Variants in DMTF1 observed in about 807,000 individuals in gnomAD.
DMTF1 encodes the protein cyclin-D-binding Myb-like transcription factor 1.
DMTF1 carries 39 observed loss-of-function variants against 91.1 expected under a neutral mutation model. That is an observed-to-expected ratio of 0.43 (90% confidence interval 0.33 to 0.56). DMTF1 has a LOEUF of 0.56. Ranked by LOEUF, DMTF1 falls within the 20% of genes least tolerant of loss-of-function variation. DMTF1 has a pLI of 0.05. For missense variants in DMTF1, 750 were observed against 914.5 expected (o/e 0.82, Z 2.32); for synonymous variants, 338 against 309.5 (o/e 1.09, Z -0.97).
rs751032586 is a variant in DMTF1 at position 87,188,294 on chromosome 7, C to A, written c.1404C>A (p.Thr468=). 111 of 1,613,642 alleles carry A rather than the reference C, an allele frequency of 6.9e-5. No individual in the cohort carries two copies. The highest frequency in any genetic ancestry group is 8.7e-5 in the Non-Finnish European group (103 of 1,179,776). The change falls in exon 13 of 18, where the codon ACC becomes ACA. Residue 468 remains threonine (T), a synonymous_variant. Transcript: ENST00000331242. ...MAALQIPVQI[T]HVSSADSPAT... Reference sequence around the variant, plus strand: ...CATTGCAGATTCCAGTCCAGATCACCCATGTTTGTAAGTGTTTGATCTTCA... The same window carrying A: ...CATTGCAGATTCCAGTCCAGATCACACATGTTTGTAAGTGTTTGATCTTCA...
At chr7:87,194,298 A>T in intron 16 of DMTF1, 196 bp downstream of exon 16, 1 of 586,972 alleles carries the variant, frequency 1.7e-6, no homozygotes, top group Non-Finnish European at 2.9e-6. Flanking sequence ...ACCATGTTCT[A>T]TCTTACCACA....
At chr7:87,187,171 C>G (rs1798639903) in intron 12 of DMTF1, 1 of 152,144 alleles carries the variant, frequency 6.6e-6, no homozygotes, top group Admixed American at 6.5e-5. Context: ...GCACTCTTAA[C>G]TTCCATTATT....
intron 5 of DMTF1, among the ~76,000 whole-genome samples, chr7:87,172,359 A>G (rs1048604317): frequency 6.6e-6 from 1 of 152,226 alleles, no homozygotes; most frequent in Non-Finnish European, 1.5e-5. Context: ...CTTTTTGCCC[A>G]TGGATTCAAA....
intron 1 of DMTF1, among the ~76,000 whole-genome samples, chr7:87,160,688 C>T (rs146907259): frequency 2.0e-5 from 3 of 152,272 alleles, no homozygotes; most frequent in African/African-American, 4.8e-5. Flanking sequence ...CTCCATATTG[C>T]CAGATTACGT....
At chr7:87,153,228 C>T (rs1789737911) in intron 1 of DMTF1, among the ~76,000 whole-genome samples, 1 of 152,108 alleles carries the variant, frequency 6.6e-6, no homozygotes, top group Admixed American at 6.5e-5. Context: ...CTCTCTCAGT[C>T]TGACTCTCTT....
In DMTF1 at chr7:87,188,126, C is replaced by A. The variant is rs143496736; in HGVS notation, c.1236C>A (p.Asn412Lys). ...LIKGLKQLHE[N>K]QKNNPTLLEN... The stretch of plus-strand genomic sequence containing the variant: ...AAGGTCTTAAACAGTTACATGAGAA[C>A]CAAAAAAACAACCCAACGCTTTTGG... Residue 412 changes from asparagine to lysine, a missense_variant, in exon 13 of 18, where the codon AAC (asparagine) becomes AAA (lysine). Coordinates refer to ENST00000331242, the MANE Select transcript of DMTF1 (RefSeq NM_001142327.2). The A allele has an allele frequency of 6.2e-7, 1 of 1,613,738 alleles. No individual in the cohort carries two copies. Among genetic ancestry groups the A allele is most frequent in the South Asian group, 1.1e-5 (1 of 91,064 alleles).
chr7:87,179,883 G>C (rs2129140104), intron 8 of DMTF1, among the ~76,000 whole-genome samples, 181 bp downstream of exon 8: 1 of 152,170 alleles, frequency 6.6e-6, no homozygotes, highest in Non-Finnish European at 1.5e-5. Context: ...TTAGAAATTA[G>C]GATCTAATTC....
chr7:87,190,988 A>G lies in DMTF1; in HGVS notation c.1455A>G (p.Thr485=), dbSNP rs1450856267. ...SPATVDSETI[T]LNSGTLQTFE... ...CTACCGTTGACTCAGAAACAATAAC[A>G]CTAAACAGTGGAACACTACAGACAT... is the stretch of plus-strand genomic sequence containing the variant. The change falls in exon 14 of 18, where the codon ACA becomes ACG. Residue 485 remains threonine, a synonymous_variant. Transcript: ENST00000331242. 6.2e-7 allele frequency: 1 copy of G among 1,610,844 alleles called. No individual in the cohort carries two copies. Among genetic ancestry groups the G allele is most frequent in the Non-Finnish European group, 8.5e-7 (1 of 1,178,066 alleles).
At chr7:87,159,204 TAAAGCTATC>T (rs1383398862) in intron 1 of DMTF1, among the ~76,000 whole-genome samples, 2 of 152,122 alleles carry the variant, frequency 1.3e-5, no homozygotes, top group Non-Finnish European at 2.9e-5. Flanking sequence ...ACTAGAAAAT[TAAAGCTATC>T]AAAGCTATAA....
At chr7:87,170,298 G>C (rs185571571) in intron 4 of DMTF1, among the ~76,000 whole-genome samples, 1 of 152,218 alleles carries the variant, frequency 6.6e-6, no homozygotes, top group Non-Finnish European at 1.5e-5. Context: ...TTGCCCTTCA[G>C]ACTGTTTTTC....
intron 15 of DMTF1, 127 bp from the exon 16 acceptor site, chr7:87,193,598 G>C (rs1035562871): frequency 4.9e-5 from 49 of 991,696 alleles, no homozygotes; most frequent in Non-Finnish European, 3.7e-5. Context: ...AAAGGACAAG[G>C]GTTCTAGAAA....
At position 87,173,034 on chromosome 7, in the gene DMTF1, TTTAAG is replaced by T. The variant is rs1371724404; in HGVS notation, c.328-495_328-491del. 3.3e-5 allele frequency among the ~76,000 whole-genome samples: 5 copies of T among 152,310 alleles called. No individual in the cohort carries two copies. In the South Asian group the frequency reaches 1.0e-3, roughly 32 times the overall value. The stretch of plus-strand genomic sequence containing the variant: ...GACTTATGATTGTGCCTGTTAATAT[TTTAAG>T]TTAAGAGATGACATTATTGATGATT... On this transcript the variant is annotated intron_variant, in intron 5 of 17. Transcript: ENST00000331242.
intron 12 of DMTF1, 40 bp from the exon 13 acceptor site, chr7:87,188,052 G>A (rs370647557): frequency 1.9e-5 from 29 of 1,558,010 alleles, no homozygotes; most frequent in Middle Eastern, 1.7e-4. Context: ...GTGGTCTGTC[G>A]GAGAATCAAT....
chr7:87,193,476 G>A (rs1014383383), intron 15 of DMTF1, 123 bp downstream of exon 15: 1 of 1,004,874 alleles, frequency 1.0e-6, no homozygotes, highest in African/African-American at 1.6e-5. Context: ...CAGGCACAGT[G>A]TTATACACCA....
At chr7:87,154,417 T>C (rs1450136870) in intron 1 of DMTF1, 9 of 152,638 alleles carry the variant, frequency 5.9e-5, no homozygotes, top group Non-Finnish European at 8.8e-5. Context: ...AAATATGCTT[T>C]TGGGGACTGA....
chr7:87,171,710 A>G (rs1159321933), intron 5 of DMTF1, among the ~76,000 whole-genome samples: 1 of 152,160 alleles, frequency 6.6e-6, no homozygotes, highest in Non-Finnish European at 1.5e-5. Context: ...ACAGCATACT[A>G]AATAAAGCTG....
At chr7:87,193,104 A>G in intron 14 of DMTF1, 94 bp from the exon 15 acceptor site, 3 of 1,312,212 alleles carry the variant, frequency 2.3e-6, no homozygotes, top group Non-Finnish European at 3.2e-6. Flanking sequence ...CACAATGGGT[A>G]AGTACATTTG....
At chr7:87,174,570 A>C in intron 6 of DMTF1, 23 bp from the exon 7 acceptor site, 1 of 1,508,786 alleles carries the variant, frequency 6.6e-7, no homozygotes, top group Non-Finnish European at 9.1e-7. Context: ...ATTTTTTATA[A>C]CATTACTTGT....
At chr7:87,188,811 T>C (rs1222487651) in intron 13 of DMTF1, among the ~76,000 whole-genome samples, 1 of 152,168 alleles carries the variant, frequency 6.6e-6, no homozygotes, top group Non-Finnish European at 1.5e-5. Flanking sequence ...AGTTTTATGC[T>C]TAATGAGATT....
Sources: gnomAD v4.1 joint callset for allele counts (sites outside exome capture counted in the v4.1 genomes callset) on GRCh38, gnomAD v4.1.1 for gene constraint, MANE v1.5 for transcripts, NCBI Gene and HGNC (gene_info 2026-07-23, HGNC 2026-07-21) for gene names.